PDE4D: variants seen among roughly 807,000 people sequenced by gnomAD.
PDE4D encodes the protein 3',5'-cyclic-AMP phosphodiesterase 4D.
A neutral mutation model predicts 87.4 loss-of-function variants in PDE4D; 24 were observed. The observed-to-expected ratio is 0.27, with a 90% CI of 0.20 to 0.39. The LOEUF (loss-of-function observed/expected upper bound fraction) is 0.39. Ranked by LOEUF, PDE4D falls within the 10% of genes least tolerant of loss-of-function variation. The pLI is 1.00. For missense variants in PDE4D, 714 were observed against 1,041.0 expected, an observed-to-expected ratio of 0.69 and a Z score of 4.32; for synonymous variants, 384 against 383.2, an observed-to-expected ratio of 1.00 and a Z score of -0.02.
chr5:60,114,999 T>G lies in PDE4D; in HGVS notation c.42+70558A>C, dbSNP rs549495071. On this transcript the variant is annotated intron_variant, in intron 2 of 16. Transcript: ENST00000502484. ...ATGGATGGCTAGATAATACTTAGGA[T>G]GCCTCACAACAGTTCCTAAAAGCCA... Among the ~76,000 whole-genome samples the G allele has an allele frequency of 1.3e-4, 20 of 152,004 alleles. No homozygotes were observed. The East Asian group carries it at 1.9e-3, about 15-fold the overall frequency.
chr5:60,313,133 T>A (rs1755200492), intron 1 of PDE4D, among the ~76,000 whole-genome samples: 1 of 151,506 alleles, frequency 6.6e-6, no homozygotes, highest in Non-Finnish European at 1.5e-5. Context: ...GATCAATGAA[T>A]CCAGGAGTTG....
At chr5:59,213,621 C>T (rs991755442) in intron 2 of PDE4D, among the ~76,000 whole-genome samples, 1 of 152,088 alleles carries the variant, frequency 6.6e-6, no homozygotes, top group Non-Finnish European at 1.5e-5. Context: ...TTCTTTCTTC[C>T]TACTCCACCC....
intron 1 of PDE4D, among the ~76,000 whole-genome samples, chr5:59,392,817 TGACAG>T (rs963306646): frequency 6.6e-6 from 1 of 151,700 alleles, no homozygotes; most frequent in East Asian, 1.9e-4. Context: ...AAAGGGAGAG[TGACAG>T]GATCAAATGA....
chr5:59,904,790 T>C (rs1235746843), intron 3 of PDE4D, among the ~76,000 whole-genome samples: 1 of 152,166 alleles, frequency 6.6e-6, no homozygotes, highest in Non-Finnish European at 1.5e-5. Context: ...ATTCACTTTT[T>C]TGTGAATGCA....
intron 1 of PDE4D, among the ~76,000 whole-genome samples, chr5:59,392,650 T>G (rs1788481044): frequency 6.6e-6 from 1 of 152,044 alleles, no homozygotes; most frequent in African/African-American, 2.4e-5. Context: ...TGGCCTATAT[T>G]TTCACATGAT....
intron 5 of PDE4D, among the ~76,000 whole-genome samples, chr5:59,106,469 A>G (rs1771593755): frequency 6.6e-6 from 1 of 152,226 alleles, no homozygotes. Context: ...TAGGAAAAAA[A>G]CCACCATGTT....
At chr5:60,175,651 G>A (rs975375671) in intron 2 of PDE4D, among the ~76,000 whole-genome samples, 4 of 152,086 alleles carry the variant, frequency 2.6e-5, no homozygotes. Flanking sequence ...AAGAGAATGT[G>A]TCTCTTGAAT....
At chr5:59,856,500 ATTTCT>A (rs1745463614) in intron 1 of PDE4D, among the ~76,000 whole-genome samples, 1 of 152,336 alleles carries the variant, frequency 6.6e-6, no homozygotes, top group South Asian at 2.1e-4. Context: ...CACATGACAG[ATTTCT>A]TTTCAGAATA....
intron 1 of PDE4D, among the ~76,000 whole-genome samples, chr5:60,334,618 G>T (rs768759339): frequency 6.6e-6 from 1 of 151,856 alleles, no homozygotes. Flanking sequence ...TTATCCCATT[G>T]TGGGTAGTAT....
intron 1 of PDE4D, among the ~76,000 whole-genome samples, chr5:59,315,690 A>G (rs1343267276): frequency 1.3e-5 from 2 of 152,184 alleles, no homozygotes; most frequent in South Asian, 2.1e-4. Context: ...GGAATTGAGC[A>G]GGCATGCACA....
At chr5:60,445,666 T>C (rs967329840) in intron 1 of PDE4D, among the ~76,000 whole-genome samples, 19 of 152,134 alleles carry the variant, frequency 1.2e-4, no homozygotes, top group South Asian at 6.2e-4. Flanking sequence ...GGATTTGCTA[T>C]TCAGAGGGTA....
intron 1 of PDE4D, among the ~76,000 whole-genome samples, chr5:59,393,090 G>A (rs1463550206): frequency 2.0e-5 from 3 of 152,078 alleles, no homozygotes; most frequent in Non-Finnish European, 4.4e-5. Flanking sequence ...TGGATAATTA[G>A]GAAAATGTTA....
intron 1 of PDE4D, among the ~76,000 whole-genome samples, chr5:60,278,790 T>C (rs1330808883): frequency 6.6e-6 from 1 of 152,160 alleles, no homozygotes; most frequent in Non-Finnish European, 1.5e-5. Context: ...TCAGGTTCTC[T>C]ACTTTTTCAT....
At chr5:60,407,380 AC>A (rs936247791) in intron 1 of PDE4D, among the ~76,000 whole-genome samples, 1 of 129,310 alleles carries the variant, frequency 7.7e-6, no homozygotes, top group Admixed American at 8.1e-5. Context: ...AGAATACAAG[AC>A]CCCTCTCTTC....
At chr5:59,409,615 A>T (rs1293994549) in intron 1 of PDE4D, among the ~76,000 whole-genome samples, 1 of 151,468 alleles carries the variant, frequency 6.6e-6, no homozygotes, top group Non-Finnish European at 1.5e-5. Context: ...TGAGACACCT[A>T]CTCCCCTTTT....
chr5:60,086,491 A>T (rs915767760), intron 2 of PDE4D, among the ~76,000 whole-genome samples: 1 of 152,194 alleles, frequency 6.6e-6, no homozygotes, highest in African/African-American at 2.4e-5. Flanking sequence ...AATTATTCCC[A>T]TTCAGTAGAG....
intron 2 of PDE4D, among the ~76,000 whole-genome samples, chr5:60,068,960 C>A (rs1008735889): frequency 2.0e-5 from 3 of 152,090 alleles, no homozygotes; most frequent in African/African-American, 7.2e-5. Context: ...TGAAGGTTTT[C>A]TTCTAGTAGT....
At chr5:59,572,087 G>C (rs1821942224) in intron 1 of PDE4D, among the ~76,000 whole-genome samples, 1 of 152,160 alleles carries the variant, frequency 6.6e-6, no homozygotes, top group Admixed American at 6.5e-5. Flanking sequence ...CTTATTGGGA[G>C]CAACCTTGTT....
In PDE4D at chr5:59,794,143, A is replaced by G. The variant is rs1314731702; in HGVS notation, c.455+99025T>C. Among the ~76,000 whole-genome samples, 60 of 40,422 alleles carry G rather than the reference A, an allele frequency of 1.5e-3. 1 individual carries two copies. Among genetic ancestry groups the G allele is most frequent in the South Asian group, 6.6e-3 (10 of 1,512 alleles). 26.5% of individuals were successfully genotyped at this position (40,422 alleles called of 152,430 possible). ...CAGACACACACACAGAGGCGCACAC[A>G]CACACACACACACACACACACACAC... On this transcript the variant is annotated intron_variant, in intron 1 of 14. Transcript: ENST00000340635.
Sources: gnomAD v4.1 joint callset for allele counts (sites outside exome capture counted in the v4.1 genomes callset) on GRCh38, gnomAD v4.1.1 for gene constraint, MANE v1.5 for transcripts, NCBI Gene and HGNC (gene_info 2026-07-23, HGNC 2026-07-21) for gene names.